The following DNAJC1 variants were observed in gnomAD, a reference collection of about 807,000 sequenced individuals.
The protein encoded by DNAJC1 is DnaJ heat shock protein family (Hsp40) member C1.
DNAJC1 carries 58 observed loss-of-function variants against 76.6 expected under a neutral mutation model. The observed-to-expected ratio is 0.76, with a 90% CI of 0.61 to 0.94. DNAJC1 has a LOEUF of 0.94. DNAJC1 is among the 40% of genes least tolerant of loss of function. The pLI, the probability that DNAJC1 is intolerant of heterozygous loss-of-function variation, is 0.00. For missense variants in DNAJC1, 689 were observed against 677.3 expected, an observed-to-expected ratio of 1.02 and a Z score of -0.19; for synonymous variants, 258 against 267.9, an observed-to-expected ratio of 0.96 and a Z score of 0.36.
intron 9 of DNAJC1, among the ~76,000 whole-genome samples, chr10:21,780,564 C>A (rs1157447003): frequency 6.6e-6 from 1 of 152,156 alleles, no homozygotes; most frequent in African/African-American, 2.4e-5. Context: ...TTGTCACCAC[C>A]AGGCCTGCCC....
At chr10:21,903,791 T>G (rs1014605700) in intron 7 of DNAJC1, among the ~76,000 whole-genome samples, 1 of 152,000 alleles carries the variant, frequency 6.6e-6, no homozygotes, top group Non-Finnish European at 1.5e-5. Flanking sequence ...CTTACCCTCA[T>G]GGAGCTTACA....
At position 21,759,065 on chromosome 10, in the gene DNAJC1, G is replaced by A; in HGVS notation, c.1596+105C>T. 3 of 1,109,460 alleles carry A rather than the reference G, an allele frequency of 2.7e-6. No individual in the cohort carries two copies. In the East Asian group the frequency reaches 7.1e-5, roughly 26 times the overall value. 68.7% of individuals were successfully genotyped at this position (1,109,460 alleles called of 1,614,324 possible). A position where few individuals can be genotyped will look rare whatever the true frequency, so the allele number is the denominator to read the frequency against. ...ATGGGAAAGAAGAAATCACGGGGCA[G>A]GTGTCAGTAGATAGGAATGAGGGAA... is the stretch of plus-strand genomic sequence containing the variant. On this transcript the variant is annotated intron_variant, in intron 11 of 11. Coordinates refer to ENST00000376980, the MANE Select transcript of DNAJC1 (RefSeq NM_022365.4).
At chr10:21,911,037 GAGAAAGGAAGGAAGGAAGGA>G (rs1400420431) in intron 6 of DNAJC1, among the ~76,000 whole-genome samples, 1 of 108,404 alleles carries the variant, frequency 9.2e-6, no homozygotes, top group African/African-American at 4.0e-5. Flanking sequence ...AAGAAAGAGA[GAGAAAGGAAGGAAGGAAGGA>G]AGGAAGGAAG....
intron 1 of DNAJC1, among the ~76,000 whole-genome samples, chr10:21,979,276 G>A (rs985006383): frequency 6.6e-5 from 10 of 152,006 alleles, no homozygotes; most frequent in African/African-American, 1.7e-4. Context: ...CAATCTCTGA[G>A]TGCAGCTCAA....
intron 7 of DNAJC1, among the ~76,000 whole-genome samples, chr10:21,902,842 AATG>A (rs1171244824): frequency 1.3e-5 from 2 of 152,202 alleles, no homozygotes; most frequent in African/African-American, 4.8e-5. Flanking sequence ...ATTACATAGA[AATG>A]ATAAGCTGTG....
rs1834304441 is a variant in DNAJC1 at position 21,766,740 on chromosome 10, G to A, written c.1099-431C>T. The stretch of plus-strand genomic sequence containing the variant: ...AATCCTAGCACTTTGGGAGGCCAAG[G>A]TGGGTGGATCACTTGAGGTCAGGAG... On this transcript the variant is annotated intron_variant, in intron 9 of 11. Coordinates refer to ENST00000376980, the MANE Select transcript of DNAJC1 (RefSeq NM_022365.4). 3.3e-5 allele frequency among the ~76,000 whole-genome samples: 5 copies of A among 152,212 alleles called. No homozygotes were observed. In the South Asian group the frequency reaches 6.2e-4, roughly 19 times the overall value.
At chr10:21,759,019 G>A in intron 11 of DNAJC1, 151 bp downstream of exon 11, 1 of 825,040 alleles carries the variant, frequency 1.2e-6, no homozygotes, top group Non-Finnish European at 1.9e-6. Flanking sequence ...ACGCTCTAGG[G>A]AGAAATATAC....
intron 9 of DNAJC1, among the ~76,000 whole-genome samples, chr10:21,778,640 C>T (rs1834483320): frequency 6.6e-6 from 1 of 152,112 alleles, no homozygotes. Flanking sequence ...TGAATAGGAA[C>T]AGCTCTAGTC....
chr10:21,826,160 C>T (rs755028152), intron 8 of DNAJC1, among the ~76,000 whole-genome samples: 70 of 136,656 alleles, frequency 5.1e-4, no homozygotes, highest in Non-Finnish European at 7.8e-4. Flanking sequence ...ATGGCTTGAA[C>T]CTGGGAGGCA....
chr10:21,763,649 A>C (rs930012864), intron 10 of DNAJC1, among the ~76,000 whole-genome samples: 1 of 151,648 alleles, frequency 6.6e-6, no homozygotes, highest in African/African-American at 2.4e-5. Flanking sequence ...AGGATCTTTA[A>C]ATTCAAAAAC....
chr10:21,824,240 A>G (rs1442168573), intron 8 of DNAJC1, among the ~76,000 whole-genome samples: 3 of 152,240 alleles, frequency 2.0e-5, no homozygotes, highest in African/African-American at 7.2e-5. Flanking sequence ...CAATAACAGT[A>G]GCAGTATTAA....
intron 8 of DNAJC1, among the ~76,000 whole-genome samples, chr10:21,826,878 G>C (rs1337342814): frequency 1.3e-5 from 2 of 151,764 alleles, no homozygotes; most frequent in Non-Finnish European, 2.9e-5. Context: ...CTGTATGTCA[G>C]TACCACACCA....
chr10:21,764,721 T>C (rs1223918267), intron 10 of DNAJC1, among the ~76,000 whole-genome samples: 1 of 152,380 alleles, frequency 6.6e-6, no homozygotes, highest in African/African-American at 2.4e-5. Flanking sequence ...CAAAATTCTT[T>C]GGCTTCTTAA....
chr10:21,801,423 C>T (rs1834811823), intron 9 of DNAJC1, among the ~76,000 whole-genome samples: 1 of 152,006 alleles, frequency 6.6e-6, no homozygotes, highest in South Asian at 2.1e-4. Flanking sequence ...CAAATCAAAA[C>T]CATAATGAGA....
At position 21,904,613 on chromosome 10, in the gene DNAJC1, C is replaced by G. The variant is rs775518370; in HGVS notation, c.730-1G>C. Reference sequence around the variant, plus strand: ...ATTTAGCATAAAACTGCCCAGCATCCTTAAGAAAAAAAGTTATACATAAAT... The same window carrying G: ...ATTTAGCATAAAACTGCCCAGCATCGTTAAGAAAAAAAGTTATACATAAAT... On this transcript the variant is annotated splice_acceptor_variant, in intron 6 of 11. Transcript: ENST00000376980. LOFTEE classifies it high-confidence loss of function. 1 of 1,579,248 alleles carries G rather than the reference C, an allele frequency of 6.3e-7. No individual in the cohort carries two copies. Among genetic ancestry groups the G allele is most frequent in the East Asian group, 2.3e-5 (1 of 44,194 alleles).
intron 8 of DNAJC1, among the ~76,000 whole-genome samples, chr10:21,856,538 G>C (rs954124753): frequency 6.6e-6 from 1 of 151,946 alleles, no homozygotes; most frequent in Non-Finnish European, 1.5e-5. Context: ...GCCACGGTGG[G>C]AGAAATTAAC....
At chr10:21,764,566 C>T (rs1253203001) in intron 10 of DNAJC1, among the ~76,000 whole-genome samples, 1 of 152,196 alleles carries the variant, frequency 6.6e-6, no homozygotes, top group Non-Finnish European at 1.5e-5. Context: ...ATTTCAAACA[C>T]TTTGAAAGGT....
chr10:21,848,604 A>G (rs1835699020), intron 8 of DNAJC1, among the ~76,000 whole-genome samples: 1 of 152,234 alleles, frequency 6.6e-6, no homozygotes, highest in Non-Finnish European at 1.5e-5. Flanking sequence ...AGGGAACCAG[A>G]GGATTTGAAT....
At chr10:21,855,677 A>G (rs947029274) in intron 8 of DNAJC1, among the ~76,000 whole-genome samples, 10 of 152,208 alleles carry the variant, frequency 6.6e-5, no homozygotes, top group African/African-American at 2.2e-4. Flanking sequence ...AAGCTTAAAA[A>G]AGAAAACTCT....
Sources: allele counts gnomAD v4.1 joint callset (sites outside exome capture counted in the v4.1 genomes callset), GRCh38; gene constraint gnomAD v4.1.1; transcripts MANE v1.5; gene names NCBI Gene and HGNC (gene_info 2026-07-23, HGNC 2026-07-21).